The following RBFOX1 variants were observed in gnomAD, a reference collection of about 807,000 sequenced individuals.
RBFOX1 encodes RNA binding protein fox-1 homolog 1.
In RBFOX1, 8 loss-of-function variants were observed where a neutral mutation model predicts 57.7. The observed-to-expected ratio is 0.14, with a 90% confidence interval of 0.08 to 0.25. RBFOX1 has a LOEUF of 0.25. Among genes scored for constraint, RBFOX1 ranks in the 10% least tolerant of loss-of-function variants. RBFOX1 has a pLI of 1.00. For missense variants in RBFOX1, 611 were observed against 548.5 expected, an observed-to-expected ratio of 1.11 and a Z score of -1.14; for synonymous variants, 326 against 222.4, an observed-to-expected ratio of 1.47 and a Z score of -4.15.
At chr16:5,899,141 T>C (rs1382218327) in intron 4 of RBFOX1, among the ~76,000 whole-genome samples, 1 of 84,430 alleles carries the variant, frequency 1.2e-5, no homozygotes, top group African/African-American at 4.6e-5. Context: ...CGAGACCCTG[T>C]CTCAAAAAAA....
At chr16:5,674,535 C>T (rs2050109936) in intron 3 of RBFOX1, among the ~76,000 whole-genome samples, 1 of 152,148 alleles carries the variant, frequency 6.6e-6, no homozygotes, top group Non-Finnish European at 1.5e-5. Flanking sequence ...ACTTACAGAG[C>T]AAAGGTAGAC....
intron 2 of RBFOX1, among the ~76,000 whole-genome samples, chr16:6,653,323 C>T (rs1031805408): frequency 2.6e-5 from 4 of 152,116 alleles, no homozygotes; most frequent in Non-Finnish European, 4.4e-5. Context: ...CTTGTCTTGT[C>T]CAGAAGAATG....
intron 1 of RBFOX1, among the ~76,000 whole-genome samples, chr16:6,237,409 A>G (rs1160328388): frequency 2.0e-5 from 3 of 152,190 alleles, no homozygotes; most frequent in African/African-American, 7.2e-5. Flanking sequence ...TGGGGTTCAG[A>G]GAGGTAAGCC....
chr16:6,083,932 C>T (rs1358392591), intron 1 of RBFOX1, among the ~76,000 whole-genome samples: 1 of 152,176 alleles, frequency 6.6e-6, no homozygotes, highest in Admixed American at 6.5e-5. Context: ...AAGAAGAAGT[C>T]TCCCAAAGGA....
chr16:5,361,805 G>T (rs1190867237), intron 1 of RBFOX1, among the ~76,000 whole-genome samples: 1 of 152,224 alleles, frequency 6.6e-6, no homozygotes, highest in Non-Finnish European at 1.5e-5. Context: ...TTCACACACA[G>T]CAAGAAAAGT....
intron 3 of RBFOX1, among the ~76,000 whole-genome samples, chr16:6,690,793 G>C (rs2060103710): frequency 6.9e-6 from 1 of 145,198 alleles, no homozygotes; most frequent in African/African-American, 2.6e-5. Flanking sequence ...AGTACCATGA[G>C]CCAAGAAAGG....
intron 11 of RBFOX1, among the ~76,000 whole-genome samples, chr16:7,640,609 C>CGAGAT: frequency 6.6e-6 from 1 of 152,212 alleles, no homozygotes; most frequent in Admixed American, 6.5e-5. Flanking sequence ...AGAACAAGGC[C>CGAGAT]GAGATGAGAT....
intron 3 of RBFOX1, among the ~76,000 whole-genome samples, chr16:6,693,301 C>T (rs1485439095): frequency 6.6e-6 from 1 of 151,610 alleles, no homozygotes; most frequent in African/African-American, 2.4e-5. Context: ...ACATCATCTT[C>T]CTCCACTACC....
intron 3 of RBFOX1, among the ~76,000 whole-genome samples, chr16:5,842,429 C>A (rs184379364): frequency 2.0e-5 from 3 of 152,272 alleles, no homozygotes; most frequent in Admixed American, 2.0e-4. Context: ...TGGTTATCTG[C>A]CTTAGTTCCC....
chr16:6,365,948 C>A (rs1300496833), intron 2 of RBFOX1, among the ~76,000 whole-genome samples: 1 of 151,882 alleles, frequency 6.6e-6, no homozygotes, highest in African/African-American at 2.4e-5. Flanking sequence ...AAGGATCTTT[C>A]TTGTTTTTAC....
chr16:5,779,490 A>C (rs77543555), intron 3 of RBFOX1, among the ~76,000 whole-genome samples: 7,018 of 152,132 alleles, frequency 0.046, 239 homozygotes, highest in East Asian at 0.12. Flanking sequence ...CATTTATCTC[A>C]TGGTGTGGGG....
At chr16:7,639,366 T>C (rs1568228009) in intron 11 of RBFOX1, among the ~76,000 whole-genome samples, 1 of 152,234 alleles carries the variant, frequency 6.6e-6, no homozygotes, top group South Asian at 2.1e-4. Context: ...TGGTTCAGCA[T>C]TACGGTGGCA....
At chr16:6,708,756 C>T (rs147489912) in intron 3 of RBFOX1, among the ~76,000 whole-genome samples, 31 of 152,292 alleles carry the variant, frequency 2.0e-4, no homozygotes, top group African/African-American at 2.9e-4. Context: ...GGCGTCCCTT[C>T]GACTGGCTGT....
chr16:6,969,464 G>T (rs906651925), intron 3 of RBFOX1, among the ~76,000 whole-genome samples: 7 of 152,000 alleles, frequency 4.6e-5, no homozygotes, highest in Admixed American at 4.6e-4. Flanking sequence ...GCCGGGTGTG[G>T]TGGCTCATGC....
At chr16:6,147,249 C>T (rs904761593) in intron 1 of RBFOX1, among the ~76,000 whole-genome samples, 2 of 152,184 alleles carry the variant, frequency 1.3e-5, no homozygotes, top group Admixed American at 6.5e-5. Context: ...CTCTGCTGGC[C>T]GCTGTTGATG....
chr16:6,902,204 A>AT lies in RBFOX1; in HGVS notation c.-15-149847dup, dbSNP rs1294869231. On this transcript the variant is annotated intron_variant, in intron 3 of 15. Transcript: ENST00000550418. ...ACCTCATGTGGTTCTTGATGTCTTC[A>AT]TTTTTTGGAAATCATTGTGTGGAAT... Among the ~76,000 whole-genome samples, 8 of 152,242 alleles carry AT rather than the reference A, an allele frequency of 5.3e-5. No individual in the cohort carries two copies. In the South Asian group the frequency reaches 1.2e-3, roughly 24 times the overall value.
intron 4 of RBFOX1, among the ~76,000 whole-genome samples, chr16:7,361,836 GTA>G (rs1164443184): frequency 3.3e-5 from 5 of 151,862 alleles, no homozygotes. Flanking sequence ...GTATGATTAT[GTA>G]TATATGTTTT....
chr16:6,885,149 G>A (rs868771173), intron 3 of RBFOX1, among the ~76,000 whole-genome samples: 6 of 152,252 alleles, frequency 3.9e-5, no homozygotes, highest in East Asian at 1.9e-4. Flanking sequence ...TGACTGGACC[G>A]CCTCCTCCTT....
chr16:6,137,768 T>C (rs150006230), intron 1 of RBFOX1, among the ~76,000 whole-genome samples: 1 of 151,966 alleles, frequency 6.6e-6, no homozygotes, highest in East Asian at 1.9e-4. Flanking sequence ...CCATCACACC[T>C]GGCTAATTTT....
Sources: gnomAD v4.1 joint callset for allele counts (sites outside exome capture counted in the v4.1 genomes callset) on GRCh38, gnomAD v4.1.1 for gene constraint, MANE v1.5 for transcripts, NCBI Gene and HGNC (gene_info 2026-07-23, HGNC 2026-07-21) for gene names.